Variants in CACNA1I observed in about 807,000 individuals in gnomAD.
CACNA1I encodes the protein voltage-dependent T-type calcium channel subunit alpha-1I.
A neutral mutation model predicts 201.6 loss-of-function variants in CACNA1I; 74 were observed. The observed-to-expected ratio is 0.37, with a 90% CI of 0.30 to 0.45. CACNA1I has a LOEUF of 0.45. Ranked by LOEUF, CACNA1I falls within the 20% of genes least tolerant of loss-of-function variation. The pLI, the probability that CACNA1I is intolerant of heterozygous loss-of-function variation, is 1.00. For synonymous variants in CACNA1I, 1,431 were observed against 1,345.2 expected, an observed-to-expected ratio of 1.06 and a Z score of -1.40; for missense variants, 2,346 against 3,138.1, an observed-to-expected ratio of 0.75 and a Z score of 6.03.
chr22:39,624,992 T>C (rs993757665), intron 4 of CACNA1I, among the ~76,000 whole-genome samples: 1 of 141,370 alleles, frequency 7.1e-6, no homozygotes, highest in Non-Finnish European at 1.5e-5. Flanking sequence ...CACTGCAACC[T>C]CCACCTCCCG....
At chr22:39,607,281 G>A (rs1257409337) in intron 3 of CACNA1I, among the ~76,000 whole-genome samples, 1 of 152,222 alleles carries the variant, frequency 6.6e-6, no homozygotes, top group African/African-American at 2.4e-5. Context: ...AATGCGAACT[G>A]CCCCACTCCC....
At chr22:39,634,896 G>GA (rs1330501648) in intron 5 of CACNA1I, among the ~76,000 whole-genome samples, 172 bp downstream of exon 5, 1 of 152,024 alleles carries the variant, frequency 6.6e-6, no homozygotes, top group Non-Finnish European at 1.5e-5. Context: ...TGCCCAGGAG[G>GA]AAAAAGAAGA....
rs1290482854 is a variant in CACNA1I, at chr22:39,682,610, G to A, written c.5779G>A (p.Glu1927Lys). ...DPENFLCEME[E>K]IPFNPVRSWL... Reference sequence around the variant, plus strand: ...AGAGAACTTCCTGTGTGAGATGGAGGAGATCCCATTCAACCCTGTCCGGTC... The same window carrying A: ...AGAGAACTTCCTGTGTGAGATGGAGAAGATCCCATTCAACCCTGTCCGGTC... Residue 1927 changes from glutamate (E) to lysine (K), a missense_variant, in exon 35 of 37, where the codon GAG becomes AAG. By Grantham distance (56) the Glu-to-Lys change is moderately conservative. This residue lies in a region of CACNA1I where 441 missense variants were observed against 555.6 expected (regional missense o/e 0.79). Transcript: ENST00000402142. 2.5e-6 allele frequency: 4 copies of A among 1,613,456 alleles called. No homozygotes were observed. The highest frequency in any genetic ancestry group is 3.4e-6 in the Non-Finnish European group (4 of 1,179,864).
intron 10 of CACNA1I, among the ~76,000 whole-genome samples, chr22:39,657,763 G>A (rs989546078): frequency 2.6e-5 from 4 of 152,242 alleles, no homozygotes; most frequent in African/African-American, 9.6e-5. Context: ...GGTTAGTGAC[G>A]TCTAGCGACG....
At chr22:39,624,168 G>A (rs1480949816) in intron 4 of CACNA1I, among the ~76,000 whole-genome samples, 1 of 151,864 alleles carries the variant, frequency 6.6e-6, no homozygotes, top group Admixed American at 6.6e-5. Flanking sequence ...GCCTGTGAGG[G>A]TGTGTGTGTG....
chr22:39,652,123 T>A (rs901239035), intron 10 of CACNA1I, among the ~76,000 whole-genome samples: 6 of 149,090 alleles, frequency 4.0e-5, no homozygotes, highest in Non-Finnish European at 5.9e-5. Flanking sequence ...AACCTCCCCC[T>A]CCCAGGTTCA....
chr22:39,616,855 C>A (rs1933554268), intron 3 of CACNA1I, among the ~76,000 whole-genome samples: 1 of 152,078 alleles, frequency 6.6e-6, no homozygotes, highest in Non-Finnish European at 1.5e-5. Flanking sequence ...TCTTGTCCCC[C>A]AGCCTATCCT....
At chr22:39,626,552 G>A (rs1601473743) in intron 4 of CACNA1I, among the ~76,000 whole-genome samples, 1 of 152,164 alleles carries the variant, frequency 6.6e-6, no homozygotes, top group Non-Finnish European at 1.5e-5. Flanking sequence ...AAAAGGAGAG[G>A]GTTGTTCACA....
At chr22:39,683,743 C>G (rs913390063) in intron 35 of CACNA1I, among the ~76,000 whole-genome samples, 4 of 151,280 alleles carry the variant, frequency 2.6e-5, no homozygotes, top group Non-Finnish European at 5.9e-5. Flanking sequence ...CCTTCAGACC[C>G]CCCACCCCCA....
intron 28 of CACNA1I, 38 bp from the exon 29 acceptor site, chr22:39,673,925 C>A: frequency 1.2e-6 from 2 of 1,600,028 alleles, no homozygotes; most frequent in Non-Finnish European, 8.5e-7. Flanking sequence ...TCCCCACCGG[C>A]CTGGGGCTGA....
chr22:39,660,570 T>A, intron 15 of CACNA1I, 133 bp downstream of exon 15: 1 of 591,650 alleles, frequency 1.7e-6, no homozygotes, highest in Non-Finnish European at 2.9e-6. Context: ...GTTTGTTGTT[T>A]ACGTTCATAA....
In CACNA1I at chr22:39,662,198, T is replaced by C. The variant is rs1314510563; in HGVS notation, c.3135T>C (p.His1045=). The C allele has an allele frequency of 6.5e-7, 1 of 1,528,824 alleles. No homozygotes were observed. The highest frequency in any genetic ancestry group is 8.8e-7 in the Non-Finnish European group (1 of 1,141,426). The allele number at this position is 1,528,824 out of a possible 1,614,324, so 94.7% of individuals were successfully genotyped here. A position where few individuals can be genotyped will look rare whatever the true frequency, so the allele number is the denominator to read the frequency against. Residue 1045 remains histidine (H), a synonymous_variant, in exon 17 of 37, where the codon CAT becomes CAC. Coordinates refer to ENST00000402142, the MANE Select transcript of CACNA1I (RefSeq NM_021096.4). The part of the protein sequence containing the change: ...PHAHHIHHGP[H]LAHRHRHHRR... ...CCCACCACATTCATCACGGGCCCCA[T>C]CTGGCGCACCGCCACCGCCACCACC... is the stretch of plus-strand genomic sequence containing the variant.
chr22:39,650,046 C>A, intron 10 of CACNA1I, 121 bp downstream of exon 10: 2 of 1,089,174 alleles, frequency 1.8e-6, no homozygotes, highest in Non-Finnish European at 2.7e-6. Flanking sequence ...CTAGAAGTGC[C>A]GGGCTGAGCT....
At chr22:39,630,305 T>C (rs1398426398) in intron 4 of CACNA1I, among the ~76,000 whole-genome samples, 1 of 152,262 alleles carries the variant, frequency 6.6e-6, no homozygotes, top group South Asian at 2.1e-4. Flanking sequence ...CGTGACCTTG[T>C]GTATCACCCA....
intron 34 of CACNA1I, among the ~76,000 whole-genome samples, chr22:39,681,624 T>C (rs1332365190): frequency 6.6e-6 from 1 of 151,734 alleles, no homozygotes; most frequent in African/African-American, 2.4e-5. Flanking sequence ...TGAGGAGGCC[T>C]GCAGGCCAGG....
chr22:39,647,082 G>A (rs566658151), intron 8 of CACNA1I, among the ~76,000 whole-genome samples: 34 of 152,378 alleles, frequency 2.2e-4, no homozygotes, highest in Non-Finnish European at 4.1e-4. Context: ...GCGCTGGGCC[G>A]GGCCTGGGGC....
chr22:39,628,091 G>A lies in CACNA1I; in HGVS notation c.581-6474G>A, dbSNP rs548857028. On this transcript the variant is annotated intron_variant, in intron 4 of 36. Transcript: ENST00000402142. ...CCTCCCTCTCCCCCTCCCTCAGGTC[G>A]AGTTCTGCATTCTGTTCTACAAATC... 2.0e-5 allele frequency among the ~76,000 whole-genome samples: 3 copies of A among 152,306 alleles called. No individual in the cohort carries two copies. In the East Asian group the frequency reaches 5.8e-4, roughly 29 times the overall value.
chr22:39,678,081 G>C lies in CACNA1I; in HGVS notation c.5028G>C (p.Thr1676=). 6.2e-7 allele frequency: 1 copy of C among 1,611,334 alleles called. No homozygotes were observed. Among genetic ancestry groups the C allele is most frequent in the Non-Finnish European group, 8.5e-7 (1 of 1,178,876 alleles). ...MAFLTLFQVS[T]GDNWNGIMKD... ...TCCTCACACTCTTCCAGGTCTCCAC[G>C]GGTGACAACTGGAACGGGATCATGA... The change falls in exon 31 of 37, where the codon ACG becomes ACC. Residue 1676 remains threonine (T), a synonymous_variant. Transcript: ENST00000402142.
chr22:39,589,665 G>C (rs897391684), intron 1 of CACNA1I, among the ~76,000 whole-genome samples: 2 of 152,200 alleles, frequency 1.3e-5, no homozygotes, highest in African/African-American at 4.8e-5. Flanking sequence ...GATGCTTGTA[G>C]GCCTGGCCTC....
Sources: gnomAD v4.1 joint callset for allele counts (sites outside exome capture counted in the v4.1 genomes callset) on GRCh38, gnomAD v4.1.1 for gene constraint, gnomAD v4.1.1 regional missense constraint, MANE v1.5 for transcripts, NCBI Gene and HGNC (gene_info 2026-07-23, HGNC 2026-07-21) for gene names.